MRAP: variants seen among roughly 807,000 people sequenced by gnomAD.
MRAP encodes the protein melanocortin 2 receptor accessory protein.
A neutral mutation model predicts 8.7 loss-of-function variants in MRAP; 8 were observed. That is an observed-to-expected ratio of 0.92 (90% confidence interval 0.54 to 1.66). The LOEUF is 1.66. Ranked by LOEUF, MRAP falls within the 40% of genes most tolerant of loss-of-function variation. The probability of loss-of-function intolerance (pLI) is 0.00; values close to 1 mark genes in which losing one functional copy is unlikely to be tolerated. For synonymous variants in MRAP, 95 were observed against 95.5 expected (o/e 1.00, Z 0.03); for missense variants, 237 against 217.1 (o/e 1.09, Z -0.58).
Position 32,306,647 on chromosome 21 carries a change from C to G in MRAP, c.114C>G (p.Ile38Met), listed in dbSNP as rs1220871309. 6.2e-7 allele frequency: 1 copy of G among 1,614,088 alleles called. No individual in the cohort carries two copies. The highest frequency in any genetic ancestry group is 2.2e-5 in the East Asian group (1 of 44,874). The change falls in exon 2 of 3, where the codon ATC becomes ATG. Residue 38 changes from isoleucine to methionine, a missense_variant. Ile to Met is a conservative substitution (Grantham distance 10). Coordinates refer to ENST00000303645, the MANE Select transcript of MRAP (RefSeq NM_001379228.1). ...CATCTCCTCCTCCCGCAGATTCCAT[C>G]GTGATCGCATTCTGGGTGAGCCTGG... ...EKKLKAHKHS[I>M]VIAFWVSLAA...
At chr21:32,300,649 C>CG (rs1352748822) in intron 1 of MRAP, among the ~76,000 whole-genome samples, 5 of 147,584 alleles carry the variant, frequency 3.4e-5, no homozygotes, top group East Asian at 4.2e-4. Flanking sequence ...CGTCCTATGC[C>CG]GGGGGCGTCA....
At position 32,300,403 on chromosome 21, in the gene MRAP, G is replaced by A. The variant is rs111991987; in HGVS notation, c.106+1326G>A. On this transcript the variant is annotated intron_variant, in intron 1 of 2. Transcript: ENST00000303645. ...TCAGGGGCGTCACGCATCCTATGTCGGATGCATCACGCGTCCTGCGTCGGA... is the reference window on the plus strand; with the variant it reads ...TCAGGGGCGTCACGCATCCTATGTCAGATGCATCACGCGTCCTGCGTCGGA... Among the ~76,000 whole-genome samples the A allele has an allele frequency of 1.9e-3, 278 of 148,462 alleles. 1 individual carries two copies. The highest frequency in any genetic ancestry group is 7.2e-3 in the Middle Eastern group (2 of 278).
downstream of MRAP, chr21:32,312,391 C>T (rs1044493828): frequency 3.7e-6 from 4 of 1,070,682 alleles, no homozygotes; most frequent in Non-Finnish European, 4.7e-6. Context: ...TGTTAGGATG[C>T]TGGGTAAGTT....
chr21:32,310,358 G>A (rs886655297), intron 2 of MRAP, among the ~76,000 whole-genome samples: 3 of 151,804 alleles, frequency 2.0e-5, no homozygotes, highest in Non-Finnish European at 4.4e-5. Flanking sequence ...GGGGAGGAGG[G>A]AGGTGGGGAG....
At chr21:32,292,102 G>A (rs1246325006) in intron 1 of MRAP, among the ~76,000 whole-genome samples, 1 of 151,946 alleles carries the variant, frequency 6.6e-6, no homozygotes, top group Non-Finnish European at 1.5e-5. Flanking sequence ...TGACTAGATA[G>A]TTGATTCAAT....
intron 1 of MRAP, among the ~76,000 whole-genome samples, chr21:32,304,739 T>G (rs2032366079): frequency 6.6e-6 from 1 of 151,898 alleles, no homozygotes; most frequent in Non-Finnish European, 1.5e-5. Flanking sequence ...AATCCAGAGG[T>G]GCTCTTAAAC....
intron 1 of MRAP, among the ~76,000 whole-genome samples, chr21:32,299,299 G>A (rs1490445417): frequency 6.6e-6 from 1 of 152,318 alleles, no homozygotes; most frequent in African/African-American, 2.4e-5. Context: ...GCTAAGTCAC[G>A]AAGACACTTT....
chr21:32,311,423 C>CCCCCTCA, intron 2 of MRAP: 1 of 292,250 alleles, frequency 3.4e-6, no homozygotes, highest in Non-Finnish European at 6.3e-6. Flanking sequence ...CCACCCCCCC[C>CCCCCTCA]ATCCTAAATC....
At chr21:32,309,449 ATTT>A (rs375525509) in intron 2 of MRAP, among the ~76,000 whole-genome samples, 5 of 143,836 alleles carry the variant, frequency 3.5e-5, no homozygotes, top group Non-Finnish European at 7.7e-5. Context: ...GAAGAAATTC[ATTT>A]TTTTTTTTTT....
chr21:32,296,903 T>C (rs189325736), upstream of MRAP, among the ~76,000 whole-genome samples: 7 of 152,312 alleles, frequency 4.6e-5, no homozygotes, highest in East Asian at 1.2e-3. Flanking sequence ...GACACTACTG[T>C]AGACTTTATA....
At chr21:32,304,914 A>ACTGTGCCTTTTCATTATACC (rs1379157236) in intron 1 of MRAP, among the ~76,000 whole-genome samples, 2 of 146,112 alleles carry the variant, frequency 1.4e-5, no homozygotes, top group African/African-American at 5.2e-5. Context: ...TTTCGCCAAT[A>ACTGTGCCTTTTCATTATACC]CTGTGCCTTT....
intron 1 of MRAP, among the ~76,000 whole-genome samples, chr21:32,299,812 A>C (rs2032216949): frequency 6.6e-6 from 1 of 152,208 alleles, no homozygotes; most frequent in Admixed American, 6.5e-5. Flanking sequence ...ACATACGTTT[A>C]ATCTTCATAG....
upstream of MRAP, among the ~76,000 whole-genome samples, chr21:32,298,389 A>G (rs1200771876): frequency 6.6e-6 from 1 of 152,106 alleles, no homozygotes; most frequent in Non-Finnish European, 1.5e-5. Flanking sequence ...TTTGGTTTTA[A>G]TTAACTGGCT....
intron 2 of MRAP, among the ~76,000 whole-genome samples, chr21:32,307,830 C>T (rs2032456975): frequency 6.6e-6 from 1 of 152,104 alleles, no homozygotes; most frequent in Admixed American, 6.6e-5. Flanking sequence ...GCTGTGATTG[C>T]GCCACTGCAC....
chr21:32,300,854 CAG>C (rs952947416), intron 1 of MRAP, among the ~76,000 whole-genome samples: 6 of 150,562 alleles, frequency 4.0e-5, no homozygotes, highest in African/African-American at 7.3e-5. Context: ...CGCCCTATGT[CAG>C]GGGCGTCATG....
At chr21:32,314,023 T>A (rs2032637289), downstream of MRAP, 1 of 154,054 alleles carries the variant, frequency 6.5e-6, no homozygotes, top group Non-Finnish European at 1.4e-5. Flanking sequence ...GCTTTAAAAA[T>A]TACAGGCTGT....
At chr21:32,311,589 C>A (rs2032572654) in intron 2 of MRAP, 95 bp from the exon 3 acceptor site, 1 of 1,526,612 alleles carries the variant, frequency 6.6e-7, no homozygotes. Context: ...GGGGTCCGGG[C>A]AGATGGCAGG....
Position 32,299,010 on chromosome 21 carries a change from C to A in MRAP, c.39C>A (p.Ser13Arg). 1 of 1,614,208 alleles carries A rather than the reference C, an allele frequency of 6.2e-7. No homozygotes were observed. The highest frequency in any genetic ancestry group is 1.1e-5 in the South Asian group (1 of 91,088). Reference protein sequence around the residue: ...NGTNASAPYYSYEYYLDYLDL... With the variant: ...NGTNASAPYYRYEYYLDYLDL... ...CCAACGCCTCTGCCCCATACTACAGCTATGAATACTACCTGGACTATCTGG... is the reference window on the plus strand; with the variant it reads ...CCAACGCCTCTGCCCCATACTACAGATATGAATACTACCTGGACTATCTGG... The change falls in exon 1 of 3, where the codon AGC becomes AGA. Residue 13 changes from serine (S) to arginine (R), a missense_variant. Physicochemically the swap from Ser to Arg is moderately radical, Grantham distance 110. Coordinates refer to ENST00000303645, the MANE Select transcript of MRAP (RefSeq NM_001379228.1).
At chr21:32,300,956 C>A (rs1374554598) in intron 1 of MRAP, among the ~76,000 whole-genome samples, 1 of 148,108 alleles carries the variant, frequency 6.8e-6, no homozygotes, top group African/African-American at 2.6e-5. Flanking sequence ...AATGATATAT[C>A]ATGATTTCAA....
Sources: gnomAD v4.1 joint callset for allele counts (sites outside exome capture counted in the v4.1 genomes callset) on GRCh38, gnomAD v4.1.1 for gene constraint, MANE v1.5 for transcripts, NCBI Gene and HGNC (gene_info 2026-07-23, HGNC 2026-07-21) for gene names.